The following SLC35F1 variants were observed in gnomAD, a reference collection of about 807,000 sequenced individuals.
SLC35F1 encodes the protein solute carrier family 35 member F1, also known as chromosome 6 open reading frame 169.
Under a neutral mutation model 48.7 loss-of-function variants are expected in SLC35F1, and 14 were observed. The observed-to-expected ratio is 0.29, with a 90% CI of 0.19 to 0.45. The LOEUF is 0.45. Among genes scored for constraint, SLC35F1 ranks in the 20% least tolerant of loss-of-function variants. The pLI is 1.00. For synonymous variants in SLC35F1, 190 were observed against 202.2 expected (o/e 0.94, Z 0.51); for missense variants, 404 against 500.0 (o/e 0.81, Z 1.83).
At chr6:117,923,707 G>GTATA (rs1562238845) in intron 1 of SLC35F1, among the ~76,000 whole-genome samples, 900 of 57,034 alleles carry the variant, frequency 0.016, 243 homozygotes, top group Admixed American at 0.031. Flanking sequence ...ATACATATAT[G>GTATA]TACATATATA....
rs67116512 is a variant in SLC35F1, at chr6:118,237,324, A to AACAC, written c.477+1718_477+1721dup. The stretch of plus-strand genomic sequence containing the variant: ...CGCAAGACCTCATGAATTCTAAGAA[A>AACAC]ACACACACACACACACACACACACA... On this transcript the variant is annotated intron_variant, in intron 3 of 7. Coordinates refer to ENST00000360388, the MANE Select transcript of SLC35F1 (RefSeq NM_001029858.4). Among the ~76,000 whole-genome samples the AACAC allele has an allele frequency of 1.6e-3, 247 of 149,722 alleles. 1 individual carries two copies. The highest frequency in any genetic ancestry group is 5.6e-3 in the African/African-American group (230 of 40,932).
At chr6:118,272,967 AT>A (rs1487412413) in intron 4 of SLC35F1, among the ~76,000 whole-genome samples, 1 of 151,446 alleles carries the variant, frequency 6.6e-6, no homozygotes, top group Non-Finnish European at 1.5e-5. Flanking sequence ...TAATTTAATT[AT>A]GTTTAATTAA....
Position 117,932,019 on chromosome 6 carries a change from G to T in SLC35F1, c.173+24120G>T, listed in dbSNP as rs75660732. Among the ~76,000 whole-genome samples, 497 of 152,272 alleles carry T rather than the reference G, an allele frequency of 3.3e-3. 20 individuals carry two copies. In the East Asian group the frequency reaches 0.083, roughly 25 times the overall value. The stretch of plus-strand genomic sequence containing the variant: ...TTGCAAGGTGATTAGGCCATGAGAG[G>T]TCTGCCCTCATCAATGGCATTGATG... On this transcript the variant is annotated intron_variant, in intron 1 of 7. Coordinates refer to ENST00000360388, the MANE Select transcript of SLC35F1 (RefSeq NM_001029858.4).
chr6:118,271,477 C>G (rs1333316174), intron 4 of SLC35F1, among the ~76,000 whole-genome samples: 1 of 152,094 alleles, frequency 6.6e-6, no homozygotes, highest in Non-Finnish European at 1.5e-5. Flanking sequence ...AACAGAGTCC[C>G]AGGAAAACAA....
intron 1 of SLC35F1, among the ~76,000 whole-genome samples, chr6:117,947,367 AT>A (rs1776308004): frequency 6.6e-6 from 1 of 152,160 alleles, no homozygotes; most frequent in Non-Finnish European, 1.5e-5. Flanking sequence ...AGGACTGGTA[AT>A]TGGAGAAGGG....
chr6:117,912,444 A>G (rs1418947197), intron 1 of SLC35F1, among the ~76,000 whole-genome samples: 1 of 152,224 alleles, frequency 6.6e-6, no homozygotes, highest in African/African-American at 2.4e-5. Flanking sequence ...AATGGATATG[A>G]CTGAACTCTA....
chr6:118,249,465 C>T (rs527865150), intron 3 of SLC35F1, among the ~76,000 whole-genome samples: 1 of 152,310 alleles, frequency 6.6e-6, no homozygotes, highest in South Asian at 2.1e-4. Flanking sequence ...GACAGACGTG[C>T]TCATTTTGAG....
rs1195369450 is a variant in SLC35F1 at position 118,212,736 on chromosome 6, A to AAGGAAGGG, written c.350-22766_350-22765insGAGGAAGG. On this transcript the variant is annotated intron_variant, in intron 2 of 7. Coordinates refer to ENST00000360388, the MANE Select transcript of SLC35F1 (RefSeq NM_001029858.4). ...AAGGAAGGAAGGAAGGAAAGGAAGG[A>AAGGAAGGG]AGGAAGGAAGGAAGGAAGGAAGGAA... is the stretch of plus-strand genomic sequence containing the variant. Among the ~76,000 whole-genome samples the AAGGAAGGG allele has an allele frequency of 4.5e-4, 31 of 69,300 alleles. 1 individual carries two copies. Among genetic ancestry groups the AAGGAAGGG allele is most frequent in the Non-Finnish European group, 7.8e-4 (28 of 36,014 alleles). The allele number at this position is 69,300 out of a possible 152,430, so 45.5% of individuals were successfully genotyped here.
intron 2 of SLC35F1, among the ~76,000 whole-genome samples, chr6:118,193,146 G>A (rs529143908): frequency 2.0e-5 from 3 of 152,204 alleles, no homozygotes; most frequent in Admixed American, 6.5e-5. Flanking sequence ...TTGTTCAAGA[G>A]AGAAAACCAC....
intron 2 of SLC35F1, among the ~76,000 whole-genome samples, chr6:118,193,292 G>A (rs539177618): frequency 6.6e-6 from 1 of 152,208 alleles, no homozygotes; most frequent in South Asian, 2.1e-4. Flanking sequence ...GCTTTTATAA[G>A]CCTTTACAAA....
At position 118,095,227 on chromosome 6, in the gene SLC35F1, G is replaced by T. The variant is rs116139572; in HGVS notation, c.174-59218G>T. Reference sequence around the variant, plus strand: ...ATATCACTTTCTGTTAAGAGGTGGGGACAGAAGTTCTGAAGTGGATGCAGA... The same window carrying T: ...ATATCACTTTCTGTTAAGAGGTGGGTACAGAAGTTCTGAAGTGGATGCAGA... On this transcript the variant is annotated intron_variant, in intron 1 of 7. Transcript: ENST00000360388. 6.6e-3 allele frequency among the ~76,000 whole-genome samples: 1,002 copies of T among 152,322 alleles called. 9 individuals carry two copies. Among genetic ancestry groups the T allele is most frequent in the African/African-American group, 0.023 (977 of 41,576 alleles).
At chr6:118,216,761 T>G (rs571067468) in intron 2 of SLC35F1, among the ~76,000 whole-genome samples, 2 of 152,314 alleles carry the variant, frequency 1.3e-5, no homozygotes, top group Non-Finnish European at 2.9e-5. Context: ...TTGAGGTGTA[T>G]AGATTGCAAA....
At chr6:118,178,004 A>T (rs994014644) in intron 2 of SLC35F1, among the ~76,000 whole-genome samples, 1 of 151,820 alleles carries the variant, frequency 6.6e-6, no homozygotes, top group African/African-American at 2.4e-5. Context: ...AAATGATCTC[A>T]TGCTCACTTT....
intron 1 of SLC35F1, among the ~76,000 whole-genome samples, chr6:118,034,973 G>T (rs1772105610): frequency 6.6e-6 from 1 of 152,046 alleles, no homozygotes; most frequent in African/African-American, 2.4e-5. Flanking sequence ...TTTCTTCCTT[G>T]AATCTTTGTT....
At chr6:118,011,146 A>G (rs1201339699) in intron 1 of SLC35F1, among the ~76,000 whole-genome samples, 2 of 152,130 alleles carry the variant, frequency 1.3e-5, no homozygotes, top group Non-Finnish European at 2.9e-5. Context: ...TGGTCTTGGG[A>G]TGAAACTGTT....
chr6:118,166,482 A>G (rs912148597), intron 2 of SLC35F1, among the ~76,000 whole-genome samples: 9 of 152,214 alleles, frequency 5.9e-5, no homozygotes, highest in African/African-American at 2.2e-4. Context: ...TAAACTCGGG[A>G]TGATTATAGC....
At chr6:118,054,157 G>A (rs1772430485) in intron 1 of SLC35F1, among the ~76,000 whole-genome samples, 1 of 152,012 alleles carries the variant, frequency 6.6e-6, no homozygotes, top group Non-Finnish European at 1.5e-5. Context: ...TTTATCTTTT[G>A]GAGTCTTGAT....
At chr6:117,917,005 A>C (rs956308814) in intron 1 of SLC35F1, among the ~76,000 whole-genome samples, 2 of 152,210 alleles carry the variant, frequency 1.3e-5, no homozygotes, top group Non-Finnish European at 2.9e-5. Context: ...AAACATGAAA[A>C]AGGTATCCAA....
rs192917439 is a variant in SLC35F1, at chr6:118,002,344, C to T, written c.173+94445C>T. Among the ~76,000 whole-genome samples, 463 of 151,946 alleles carry T rather than the reference C, an allele frequency of 3.0e-3. 2 individuals are homozygous for T. Among genetic ancestry groups the T allele is most frequent in the African/African-American group, 0.011 (443 of 41,404 alleles). On this transcript the variant is annotated intron_variant, in intron 1 of 7. Coordinates refer to ENST00000360388, the MANE Select transcript of SLC35F1 (RefSeq NM_001029858.4). ...GAAATCATCATTCTCAGCATACTATCGCAAGGACAAAAAACCAAACACCGC... is the reference window on the plus strand; with the variant it reads ...GAAATCATCATTCTCAGCATACTATTGCAAGGACAAAAAACCAAACACCGC...
Sources: allele counts gnomAD v4.1 joint callset (sites outside exome capture counted in the v4.1 genomes callset), GRCh38; gene constraint gnomAD v4.1.1; transcripts MANE v1.5; gene names NCBI Gene and HGNC (gene_info 2026-07-23, HGNC 2026-07-21).